Variants in LHFPL3 observed in about 807,000 individuals in gnomAD.
LHFPL3 encodes the protein LHFPL tetraspan subfamily member 3 protein.
In LHFPL3, 5 loss-of-function variants were observed where a neutral mutation model predicts 19.3. That is an observed-to-expected ratio of 0.26 (90% CI 0.14 to 0.54). The LOEUF is 0.54. Among genes scored for constraint, LHFPL3 ranks in the 20% least tolerant of loss-of-function variants. The pLI is 0.94. For synonymous variants in LHFPL3, 133 were observed against 126.2 expected (o/e 1.05, Z -0.36); for missense variants, 249 against 307.4 (o/e 0.81, Z 1.42).
At chr7:104,518,063 C>T (rs1052549646) in intron 1 of LHFPL3, among the ~76,000 whole-genome samples, 1 of 152,030 alleles carries the variant, frequency 6.6e-6, no homozygotes, top group Non-Finnish European at 1.5e-5. Flanking sequence ...CCAATGTCAT[C>T]CTAGGAATAA....
At chr7:104,641,462 A>G (rs1791832144) in intron 1 of LHFPL3, among the ~76,000 whole-genome samples, 1 of 152,214 alleles carries the variant, frequency 6.6e-6, no homozygotes, top group Non-Finnish European at 1.5e-5. Context: ...TTGCTTGTGG[A>G]GTAATTATCT....
At chr7:104,614,727 CTTTCTTTCTT>C (rs1791299005) in intron 1 of LHFPL3, among the ~76,000 whole-genome samples, 1 of 127,496 alleles carries the variant, frequency 7.8e-6, no homozygotes, top group African/African-American at 3.1e-5. Flanking sequence ...TTCTTTCTTT[CTTTCTTTCTT>C]TCTCTTTCTC....
At chr7:104,536,147 G>C (rs1794384370) in intron 1 of LHFPL3, among the ~76,000 whole-genome samples, 1 of 152,178 alleles carries the variant, frequency 6.6e-6, no homozygotes, top group African/African-American at 2.4e-5. Context: ...AGATGAAATG[G>C]CATATAGTTT....
At chr7:104,504,217 G>A (rs554714546) in intron 1 of LHFPL3, among the ~76,000 whole-genome samples, 42 of 152,196 alleles carry the variant, frequency 2.8e-4, no homozygotes, top group Non-Finnish European at 4.7e-4. Flanking sequence ...AGAAAAATAT[G>A]ACTTAGGCAA....
intron 1 of LHFPL3, among the ~76,000 whole-genome samples, chr7:104,415,926 AG>A (rs1478900978): frequency 6.6e-6 from 1 of 152,190 alleles, no homozygotes. Flanking sequence ...CAGACATTGC[AG>A]CTTGCACTGG....
chr7:104,417,536 A>G (rs1341850917), intron 1 of LHFPL3, among the ~76,000 whole-genome samples: 2 of 152,030 alleles, frequency 1.3e-5, no homozygotes, highest in Non-Finnish European at 2.9e-5. Context: ...GTCTGTTTTT[A>G]TTGGGGTCTT....
intron 2 of LHFPL3, among the ~76,000 whole-genome samples, chr7:104,824,864 ATT>A (rs1388022531): frequency 7.5e-6 from 1 of 133,916 alleles, no homozygotes; most frequent in African/African-American, 2.8e-5. Flanking sequence ...AATTATATAT[ATT>A]ATCTAATAAT....
chr7:104,524,913 G>A lies in LHFPL3; in HGVS notation c.445+195689G>A, dbSNP rs537811845. ...TTCATTTTTTTCTGGTTTGGCTTCT[G>A]CATTGCTTCAAACCACTGACAAATT... On this transcript the variant is annotated intron_variant, in intron 1 of 2. Coordinates refer to ENST00000424859, the MANE Select transcript of LHFPL3 (RefSeq NM_199000.3). Among the ~76,000 whole-genome samples the A allele has an allele frequency of 7.9e-5, 12 of 152,234 alleles. No homozygotes were observed. In the East Asian group the frequency reaches 2.3e-3, roughly 29 times the overall value.
chr7:104,655,763 A>G (rs1219378135), intron 1 of LHFPL3, among the ~76,000 whole-genome samples: 1 of 152,174 alleles, frequency 6.6e-6, no homozygotes, highest in Non-Finnish European at 1.5e-5. Flanking sequence ...GTTCCACCCA[A>G]CCATTCACTG....
intron 2 of LHFPL3, among the ~76,000 whole-genome samples, chr7:104,852,910 T>G (rs1276588073): frequency 6.6e-6 from 1 of 152,108 alleles, no homozygotes; most frequent in Non-Finnish European, 1.5e-5. Flanking sequence ...CCCACTCTCT[T>G]GAACCCTGAA....
chr7:104,746,858 T>C lies in LHFPL3; in HGVS notation c.682+9947T>C, dbSNP rs144361211. The stretch of plus-strand genomic sequence containing the variant: ...TAATTTAACCAACATTTATATAGTG[T>C]TTGATTAACGGGGTGCATAGCCCAT... On this transcript the variant is annotated intron_variant, in intron 2 of 2. Coordinates refer to ENST00000424859, the MANE Select transcript of LHFPL3 (RefSeq NM_199000.3). Among the ~76,000 whole-genome samples, 832 of 152,372 alleles carry C rather than the reference T, an allele frequency of 5.5e-3. 5 individuals are homozygous for C. The highest frequency in any genetic ancestry group is 0.019 in the African/African-American group (783 of 41,582).
intron 1 of LHFPL3, among the ~76,000 whole-genome samples, chr7:104,632,492 T>C (rs1272064652): frequency 6.6e-6 from 1 of 152,240 alleles, no homozygotes; most frequent in Non-Finnish European, 1.5e-5. Flanking sequence ...ATAACCATTA[T>C]GAAATAACCT....
At chr7:104,812,322 A>G (rs1192748185) in intron 2 of LHFPL3, among the ~76,000 whole-genome samples, 1 of 152,234 alleles carries the variant, frequency 6.6e-6, no homozygotes, top group South Asian at 2.1e-4. Flanking sequence ...TGGATGAATA[A>G]ATTGTGGAAT....
chr7:104,869,782 A>T (rs928568430), intron 2 of LHFPL3, among the ~76,000 whole-genome samples: 1 of 152,226 alleles, frequency 6.6e-6, no homozygotes, highest in African/African-American at 2.4e-5. Context: ...CTATAAAGAC[A>T]CATGCACACG....
chr7:104,692,473 G>A (rs569184865), intron 1 of LHFPL3, among the ~76,000 whole-genome samples: 2 of 152,230 alleles, frequency 1.3e-5, no homozygotes, highest in Non-Finnish European at 2.9e-5. Context: ...GGGTCTTGCT[G>A]CTTTGTGCAG....
chr7:104,668,317 G>A lies in LHFPL3; in HGVS notation c.446-68358G>A. 10 of 1,601,754 alleles carry A rather than the reference G, an allele frequency of 6.2e-6. No individual in the cohort carries two copies. The South Asian group carries it at 9.9e-5, about 16-fold the overall frequency. On this transcript the variant is annotated intron_variant, in intron 1 of 2. Transcript: ENST00000424859. ...CCTCCTTTTGGCCGTGATAGAAATC[G>A]GGATTCTGACAAAACAGATACAGAC...
intron 2 of LHFPL3, chr7:104,785,779 T>A (rs1789900465): frequency 6.6e-6 from 1 of 152,250 alleles, no homozygotes; most frequent in South Asian, 2.1e-4. Context: ...GTGTCAGATT[T>A]TTCTTTCTGA....
At chr7:104,427,156 G>C (rs1043120660) in intron 1 of LHFPL3, among the ~76,000 whole-genome samples, 1 of 152,210 alleles carries the variant, frequency 6.6e-6, no homozygotes, top group African/African-American at 2.4e-5. Context: ...ATTGTCAGCA[G>C]TCGGTGGAAG....
At chr7:104,905,101 G>A (rs1303796370) in intron 2 of LHFPL3, among the ~76,000 whole-genome samples, 3 of 151,818 alleles carry the variant, frequency 2.0e-5, no homozygotes, top group Non-Finnish European at 2.9e-5. Flanking sequence ...GACTACAGGC[G>A]CACCACCACA....
Sources: allele counts gnomAD v4.1 joint callset (sites outside exome capture counted in the v4.1 genomes callset), GRCh38; gene constraint gnomAD v4.1.1; transcripts MANE v1.5; gene names NCBI Gene and HGNC (gene_info 2026-07-23, HGNC 2026-07-21).